F13A1: variants seen among roughly 807,000 people sequenced by gnomAD.
F13A1 encodes FSF, A subunit.
F13A1 carries 47 observed loss-of-function variants against 80.1 expected under a neutral mutation model. The observed-to-expected ratio is 0.59, with a 90% CI of 0.46 to 0.75. The LOEUF is 0.75. Ranked by LOEUF, F13A1 falls within the 30% of genes least tolerant of loss-of-function variation. The pLI, the probability that F13A1 is intolerant of heterozygous loss-of-function variation, is 0.00. For missense variants in F13A1, 817 were observed against 930.4 expected, an observed-to-expected ratio of 0.88 and a Z score of 1.59; for synonymous variants, 349 against 344.9, an observed-to-expected ratio of 1.01 and a Z score of -0.13.
chr6:6,302,270 C>T lies in F13A1; in HGVS notation c.319+3081G>A, dbSNP rs1278418733. On this transcript the variant is annotated intron_variant, in intron 3 of 14. Coordinates refer to ENST00000264870, the MANE Select transcript of F13A1 (RefSeq NM_000129.4). ...CAGAACTGTGGTCCAGAGCTTCAAA[C>T]GTGAATTTGTTGTCATGCACGGGAT... is the stretch of plus-strand genomic sequence containing the variant. Among the ~76,000 whole-genome samples, 8 of 151,916 alleles carry T rather than the reference C, an allele frequency of 5.3e-5. No homozygotes were observed. In the South Asian group the frequency reaches 8.3e-4, roughly 16 times the overall value.
chr6:6,250,811 C>G lies in F13A1; in HGVS notation c.690G>C (p.Gln230His). ...DIKTRSWSYG[Q>H]FEDGILDTCL... ...CAATAACAAATTTTAAGTGGCTCAC[C>G]TGACCATAGCTCCAGCTTCTGGTCT... The change falls in exon 5 of 15, where the codon CAG (glutamine) becomes CAC (histidine). Residue 230 changes from glutamine to histidine, a missense_variant and splice_region_variant. Coordinates refer to ENST00000264870, the MANE Select transcript of F13A1 (RefSeq NM_000129.4). The surrounding 1 kb of genome is among the most constrained non-coding windows in gnomAD (Gnocchi z 4.2). The G allele has an allele frequency of 6.2e-7, 1 of 1,603,270 alleles. No homozygotes were observed.
intron 8 of F13A1, among the ~76,000 whole-genome samples, chr6:6,198,759 G>A (rs373266876): frequency 6.6e-6 from 1 of 152,102 alleles, no homozygotes; most frequent in Non-Finnish European, 1.5e-5. Flanking sequence ...CATGTATTTC[G>A]AACACAGACT....
At chr6:6,283,550 A>G (rs1400479199) in intron 3 of F13A1, among the ~76,000 whole-genome samples, 1 of 152,150 alleles carries the variant, frequency 6.6e-6, no homozygotes, top group Admixed American at 6.5e-5. Flanking sequence ...AGTTCTTTGT[A>G]TGGTTTGTCT....
chr6:6,285,931 C>T (rs998595457), intron 3 of F13A1, among the ~76,000 whole-genome samples: 5 of 152,236 alleles, frequency 3.3e-5, no homozygotes, highest in African/African-American at 1.2e-4. Context: ...CCTCCAGGGA[C>T]ACTCAACTGG....
intron 10 of F13A1, among the ~76,000 whole-genome samples, chr6:6,187,626 G>A (rs1363022286): frequency 1.3e-4 from 15 of 114,672 alleles, no homozygotes; most frequent in Middle Eastern, 4.0e-3. Flanking sequence ...TGGTTTGCCA[G>A]TATTTTATTG....
At chr6:6,283,995 C>G (rs190491751) in intron 3 of F13A1, among the ~76,000 whole-genome samples, 57 of 152,296 alleles carry the variant, frequency 3.7e-4, no homozygotes, top group Admixed American at 2.4e-3. Flanking sequence ...TAGTGAATCA[C>G]TGAAGCAAGG....
chr6:6,150,102 T>C (rs374020660), intron 14 of F13A1, among the ~76,000 whole-genome samples: 1 of 152,188 alleles, frequency 6.6e-6, no homozygotes. Flanking sequence ...TCTAGGGGGA[T>C]AGCCAAGGTG....
chr6:6,218,630 A>G (rs1454520390), intron 8 of F13A1, among the ~76,000 whole-genome samples: 2 of 152,196 alleles, frequency 1.3e-5, no homozygotes, highest in Non-Finnish European at 2.9e-5. Flanking sequence ...TAAGGAGCTC[A>G]GACCATGGCC....
At chr6:6,165,109 A>T (rs1436542367) in intron 13 of F13A1, among the ~76,000 whole-genome samples, 1 of 152,196 alleles carries the variant, frequency 6.6e-6, no homozygotes, top group African/African-American at 2.4e-5. Flanking sequence ...CAAACTTGGC[A>T]TGGACAGAAG....
At chr6:6,209,366 T>C (rs1761559588) in intron 8 of F13A1, among the ~76,000 whole-genome samples, 1 of 148,490 alleles carries the variant, frequency 6.7e-6, no homozygotes, top group Admixed American at 6.7e-5. Context: ...TTTGCAAGAA[T>C]ATGAAGTTGG....
intron 7 of F13A1, among the ~76,000 whole-genome samples, chr6:6,223,162 C>T (rs147836719): frequency 6.6e-6 from 1 of 152,342 alleles, no homozygotes; most frequent in African/African-American, 2.4e-5. Flanking sequence ...CCTGTTCCTC[C>T]TTCCCCCAAT....
intron 3 of F13A1, among the ~76,000 whole-genome samples, chr6:6,301,372 T>C (rs1758428854): frequency 6.6e-6 from 1 of 152,190 alleles, no homozygotes; most frequent in South Asian, 2.1e-4. Flanking sequence ...GTGTGGAATT[T>C]TGTCACTTGC....
chr6:6,194,568 TTTGCCATCCTGCTTC>T (rs1375122503), intron 10 of F13A1, among the ~76,000 whole-genome samples: 2 of 152,210 alleles, frequency 1.3e-5, no homozygotes, highest in African/African-American at 4.8e-5. Context: ...TCTTGTGGTC[TTTGCCATCCTGCTTC>T]AGTTCTTGGC....
At chr6:6,238,715 C>CATATATATATATATAT (rs4053228) in intron 6 of F13A1, among the ~76,000 whole-genome samples, 359 of 146,002 alleles carry the variant, frequency 2.5e-3, no homozygotes, top group African/African-American at 4.4e-3. Flanking sequence ...AAACATGCTG[C>CATATATATATATATAT]ATATATATAT....
rs1760246491 is a variant in F13A1 at position 6,144,696 on chromosome 6, A to G, written c.*923T>C. The stretch of plus-strand genomic sequence containing the variant: ...TATATATCTGGTCACTAGATCCGCC[A>G]GCTTCTTCAACTTGTTGGGCTTATT... On this transcript the variant is annotated 3_prime_UTR_variant, in exon 15 of 15. Coordinates refer to ENST00000264870, the MANE Select transcript of F13A1 (RefSeq NM_000129.4). 6.6e-6 allele frequency: 1 copy of G among 152,410 alleles called. No individual in the cohort carries two copies. Among genetic ancestry groups the G allele is most frequent in the African/African-American group, 2.4e-5 (1 of 41,456 alleles). The allele number at this position is 152,410 out of a possible 1,614,324, so 9.4% of individuals were successfully genotyped here.
intron 6 of F13A1, among the ~76,000 whole-genome samples, chr6:6,234,678 A>G (rs1757393162): frequency 6.6e-6 from 1 of 152,028 alleles, no homozygotes; most frequent in Admixed American, 6.6e-5. Context: ...ATCTAACATT[A>G]AAGTATAATT....
chr6:6,222,016 T>C lies in F13A1; in HGVS notation c.1112+17A>G, dbSNP rs3024480. ...TATAATGTGACATCAGCCAATGCCA[T>C]TGTCAATCAAACTCACCACACTGAA... is the stretch of plus-strand genomic sequence containing the variant. On this transcript the variant is annotated intron_variant, in intron 8 of 14. Coordinates refer to ENST00000264870, the MANE Select transcript of F13A1 (RefSeq NM_000129.4). 13,331 of 1,612,940 alleles carry C rather than the reference T, an allele frequency of 8.3e-3. 114 individuals are homozygous for C. Among genetic ancestry groups the C allele is most frequent in the Middle Eastern group, 0.052 (313 of 6,052 alleles).
At chr6:6,290,951 T>A (rs941498131) in intron 3 of F13A1, among the ~76,000 whole-genome samples, 1 of 152,208 alleles carries the variant, frequency 6.6e-6, no homozygotes. Flanking sequence ...AGAGAAAGTA[T>A]GTTATGTATG....
At chr6:6,230,562 C>T (rs940468605) in intron 6 of F13A1, among the ~76,000 whole-genome samples, 4 of 152,138 alleles carry the variant, frequency 2.6e-5, no homozygotes, top group Non-Finnish European at 4.4e-5. Flanking sequence ...GGGCCCTGCC[C>T]ACCACTGGTT....
Sources: gnomAD v4.1 joint callset for allele counts (sites outside exome capture counted in the v4.1 genomes callset) on GRCh38, gnomAD v4.1.1 for gene constraint, Gnocchi (gnomAD v3.1) non-coding constraint, MANE v1.5 for transcripts, NCBI Gene and HGNC (gene_info 2026-07-23, HGNC 2026-07-21) for gene names.